The following TENM3 variants were observed in gnomAD, a reference collection of about 807,000 sequenced individuals.
TENM3 encodes teneurin-3.
Under a neutral mutation model 255.1 loss-of-function variants are expected in TENM3, and 63 were observed. The ratio of observed to expected loss-of-function variants is 0.25; its 90% CI spans 0.20 to 0.30. The LOEUF is 0.30. TENM3 is among the 10% of genes least tolerant of loss of function. The pLI, the probability that TENM3 is intolerant of heterozygous loss-of-function variation, is 1.00. For synonymous variants in TENM3, 1,306 were observed against 1,322.3 expected, an observed-to-expected ratio of 0.99 and a Z score of 0.27; for missense variants, 2,929 against 3,461.1, an observed-to-expected ratio of 0.85 and a Z score of 3.86.
chr4:182,356,190 C>T (rs1045991140), intron 3 of TENM3, among the ~76,000 whole-genome samples: 1 of 152,036 alleles, frequency 6.6e-6, no homozygotes, highest in African/African-American at 2.4e-5. Context: ...ATACTGTGAT[C>T]AGCAGAGTCA....
the TENM3 span, among the ~76,000 whole-genome samples, chr4:181,937,563 T>A: frequency 6.6e-6 from 1 of 152,136 alleles, no homozygotes; most frequent in Non-Finnish European, 1.5e-5. Context: ...AAAAGAGGAA[T>A]AAAGAACATG....
chr4:181,632,781 CT>C, the TENM3 span, among the ~76,000 whole-genome samples: 1 of 152,092 alleles, frequency 6.6e-6, no homozygotes. Flanking sequence ...ACTGAGAGCC[CT>C]TCCATTTTAA....
At chr4:181,896,790 T>C in the TENM3 span, among the ~76,000 whole-genome samples, 89 of 152,314 alleles carry the variant, frequency 5.8e-4, no homozygotes, top group African/African-American at 2.0e-3. Context: ...TCGGCCAGCC[T>C]CTGCCCAGAT....
the TENM3 span, chr4:181,522,832 A>T: frequency 1.9e-5 from 18 of 932,870 alleles, no homozygotes; most frequent in African/African-American, 2.8e-4. Context: ...AATGCACCTG[A>T]ATTTTCAATG....
chr4:182,016,647 G>T, the TENM3 span, among the ~76,000 whole-genome samples: 2 of 152,170 alleles, frequency 1.3e-5, no homozygotes, highest in Non-Finnish European at 2.9e-5. Context: ...TTGCTTGCCA[G>T]AGCATTGGAA....
At chr4:182,717,189 C>T (rs550523780) in intron 13 of TENM3, among the ~76,000 whole-genome samples, 2 of 152,152 alleles carry the variant, frequency 1.3e-5, no homozygotes, top group African/African-American at 4.8e-5. Flanking sequence ...TGCCCCATCA[C>T]CACTGTTCAA....
chr4:182,062,625 C>T, the TENM3 span, among the ~76,000 whole-genome samples: 1 of 152,196 alleles, frequency 6.6e-6, no homozygotes, highest in Non-Finnish European at 1.5e-5. Flanking sequence ...AATGACAGAG[C>T]TTTCCTAACT....
chr4:181,708,378 G>T, the TENM3 span, among the ~76,000 whole-genome samples: 1 of 152,082 alleles, frequency 6.6e-6, no homozygotes, highest in African/African-American at 2.4e-5. Context: ...TAGACAAACT[G>T]GTACCTTTAG....
At chr4:181,468,146 A>AAAAAAAG in the TENM3 span, among the ~76,000 whole-genome samples, 1 of 151,542 alleles carries the variant, frequency 6.6e-6, no homozygotes, top group African/African-American at 2.4e-5. Flanking sequence ...AAAAAAAAAA[A>AAAAAAAG]ATTGGTGTGG....
chr4:181,752,114 C>G, the TENM3 span, among the ~76,000 whole-genome samples: 1 of 152,176 alleles, frequency 6.6e-6, no homozygotes, highest in East Asian at 1.9e-4. Context: ...TTTATAAAGG[C>G]CATTGCTTTT....
the TENM3 span, among the ~76,000 whole-genome samples, chr4:182,074,565 C>T: frequency 3.3e-5 from 5 of 152,018 alleles, no homozygotes; most frequent in African/African-American, 9.7e-5. Context: ...ACTCAAACTC[C>T]GCTGAAAAGC....
the TENM3 span, among the ~76,000 whole-genome samples, chr4:181,810,683 T>G: frequency 3.3e-5 from 5 of 152,020 alleles, no homozygotes; most frequent in East Asian, 9.7e-4. Flanking sequence ...AGAAAAGAAG[T>G]GATGTAAACA....
chr4:181,903,564 C>T, the TENM3 span, among the ~76,000 whole-genome samples: 2 of 152,220 alleles, frequency 1.3e-5, no homozygotes, highest in Non-Finnish European at 2.9e-5. Flanking sequence ...CTAATCAACT[C>T]AAACCAATTA....
chr4:182,601,894 C>T (rs997268985), intron 4 of TENM3, among the ~76,000 whole-genome samples: 2 of 152,206 alleles, frequency 1.3e-5, no homozygotes, highest in African/African-American at 4.8e-5. Flanking sequence ...GCTTCTCAGT[C>T]TTCTAGAGGC....
intron 3 of TENM3, among the ~76,000 whole-genome samples, chr4:182,550,925 C>CA (rs1386308541): frequency 7.3e-5 from 11 of 151,632 alleles, no homozygotes; most frequent in African/African-American, 1.5e-4. Flanking sequence ...GTTTCTGTCA[C>CA]AAAAAAAATC....
chr4:182,531,461 C>T (rs956262635), intron 3 of TENM3, among the ~76,000 whole-genome samples: 3 of 152,024 alleles, frequency 2.0e-5, no homozygotes, highest in African/African-American at 4.8e-5. Flanking sequence ...TTCACAATGA[C>T]CATAAAGTAA....
chr4:182,133,400 C>G, the TENM3 span, among the ~76,000 whole-genome samples: 1 of 152,074 alleles, frequency 6.6e-6, no homozygotes, highest in Non-Finnish European at 1.5e-5. Context: ...TATATTTATT[C>G]GGGATTTCTA....
intron 1 of TENM3, among the ~76,000 whole-genome samples, chr4:182,259,851 G>T (rs951763145): frequency 4.6e-5 from 7 of 152,012 alleles, no homozygotes; most frequent in African/African-American, 1.7e-4. Flanking sequence ...GAAACACTAG[G>T]TCTTATTTTT....
the TENM3 span, among the ~76,000 whole-genome samples, chr4:181,563,119 G>C: frequency 6.6e-6 from 1 of 152,302 alleles, no homozygotes; most frequent in East Asian, 1.9e-4. Flanking sequence ...CCACACACGG[G>C]GAGGGTGGCT....
Sources: gnomAD v4.1 joint callset for allele counts (sites outside exome capture counted in the v4.1 genomes callset) on GRCh38, gnomAD v4.1.1 for gene constraint, MANE v1.5 for transcripts, NCBI Gene and HGNC (gene_info 2026-07-23, HGNC 2026-07-21) for gene names.